Variants in SUMF1 observed in about 807,000 individuals in gnomAD.
The protein encoded by SUMF1 is formylglycine-generating enzyme.
In SUMF1, 48 loss-of-function variants were observed where a neutral mutation model predicts 47.6. That is an observed-to-expected ratio of 1.01 (90% CI 0.80 to 1.28). The LOEUF (loss-of-function observed/expected upper bound fraction) is 1.28, where lower values mean the gene tolerates loss of function less well. SUMF1 is among the 50% of genes most tolerant of loss of function. SUMF1 has a pLI of 0.00. For missense variants in SUMF1, 571 were observed against 485.4 expected (o/e 1.18, Z -1.66); for synonymous variants, 230 against 192.1 (o/e 1.20, Z -1.63).
At chr3:4,059,120 C>T (rs1419211925) in intron 9 of SUMF1, among the ~76,000 whole-genome samples, 1 of 151,904 alleles carries the variant, frequency 6.6e-6, no homozygotes, top group Non-Finnish European at 1.5e-5. Context: ...TTCTAGAATC[C>T]TATAGAAAAA....
intron 8 of SUMF1, among the ~76,000 whole-genome samples, chr3:4,209,402 C>T (rs1695730731): frequency 6.6e-6 from 1 of 152,114 alleles, no homozygotes; most frequent in Admixed American, 6.6e-5. Flanking sequence ...ACCTTAATCA[C>T]TTAAACATCC....
intron 7 of SUMF1, among the ~76,000 whole-genome samples, chr3:4,400,863 G>C (rs186517533): frequency 4.6e-5 from 7 of 151,986 alleles, no homozygotes; most frequent in African/African-American, 1.7e-4. Context: ...TGTGCACAAC[G>C]TGCAGTTTTG....
At chr3:4,325,567 AT>A (rs1698926412) in intron 8 of SUMF1, among the ~76,000 whole-genome samples, 1 of 150,864 alleles carries the variant, frequency 6.6e-6, no homozygotes, top group Non-Finnish European at 1.5e-5. Context: ...GTGTGTGTAT[AT>A]ATATATATAT....
chr3:4,446,621 G>A (rs1702790767), intron 3 of SUMF1, among the ~76,000 whole-genome samples: 1 of 152,154 alleles, frequency 6.6e-6, no homozygotes, highest in Non-Finnish European at 1.5e-5. Context: ...TGCCTCATGG[G>A]GAAAGAACCC....
chr3:4,236,882 G>C (rs1305851013), intron 8 of SUMF1, among the ~76,000 whole-genome samples: 1 of 152,052 alleles, frequency 6.6e-6, no homozygotes, highest in Non-Finnish European at 1.5e-5. Context: ...CAAAAACTCT[G>C]TGTTCCACCT....
At chr3:4,466,043 T>G (rs1488006295) in intron 1 of SUMF1, among the ~76,000 whole-genome samples, 1 of 152,146 alleles carries the variant, frequency 6.6e-6, no homozygotes, top group Non-Finnish European at 1.5e-5. Context: ...TTTAGACCCA[T>G]AAGTTGTTTC....
chr3:4,401,969 T>A (rs17628538), intron 7 of SUMF1, among the ~76,000 whole-genome samples: 4,965 of 152,198 alleles, frequency 0.033, 151 homozygotes, highest in African/African-American at 0.077. Flanking sequence ...CTGGTAAGCT[T>A]AAGGAAATTC....
rs529983454 is a variant in SUMF1, at chr3:4,183,602, C to G, written c.1015-114857G>C. On this transcript the variant is annotated intron_variant and NMD_transcript_variant, in intron 8 of 12. Transcript: ENST00000448413. Reference sequence around the variant, plus strand: ...TAACTAATTACAGAGAAAAGCATTACAGGCTCACTTCTTTGGCAGGATCTA... The same window carrying G: ...TAACTAATTACAGAGAAAAGCATTAGAGGCTCACTTCTTTGGCAGGATCTA... Among the ~76,000 whole-genome samples, 65 of 131,622 alleles carry G rather than the reference C, an allele frequency of 4.9e-4. No individual in the cohort carries two copies. In the South Asian group the frequency reaches 0.016, roughly 32 times the overall value. The allele number at this position is 131,622 out of a possible 152,430, so 86.3% of individuals were successfully genotyped here. A position where few individuals can be genotyped will look rare whatever the true frequency, so the allele number is the denominator to read the frequency against.
chr3:4,418,854 G>C (rs748628815), intron 4 of SUMF1, among the ~76,000 whole-genome samples: 5 of 152,152 alleles, frequency 3.3e-5, no homozygotes, highest in Admixed American at 6.5e-5. Context: ...AAAAAAAACT[G>C]AGAAAAAGGG....
chr3:4,307,664 C>G (rs906991849), intron 8 of SUMF1, among the ~76,000 whole-genome samples: 2 of 152,136 alleles, frequency 1.3e-5, no homozygotes, highest in African/African-American at 4.8e-5. Context: ...GCATTTATTC[C>G]TAGCTCTTGC....
At chr3:4,092,103 A>C (rs1692801782) in intron 8 of SUMF1, among the ~76,000 whole-genome samples, 1 of 152,040 alleles carries the variant, frequency 6.6e-6, no homozygotes, top group Admixed American at 6.5e-5. Context: ...GTATAGGCCA[A>C]CTATCAACAA....
At chr3:4,310,211 C>T (rs1280743219) in intron 8 of SUMF1, among the ~76,000 whole-genome samples, 5 of 152,100 alleles carry the variant, frequency 3.3e-5, no homozygotes, top group South Asian at 2.1e-4. Flanking sequence ...AGTTTAACCG[C>T]GTGGCATGTA....
At chr3:4,371,581 C>T (rs1315884654) in intron 8 of SUMF1, among the ~76,000 whole-genome samples, 2 of 152,212 alleles carry the variant, frequency 1.3e-5, no homozygotes, top group African/African-American at 2.4e-5. Flanking sequence ...ACTAGACCAA[C>T]TCCTTTTGCT....
At chr3:4,265,621 G>A (rs954040930) in intron 8 of SUMF1, among the ~76,000 whole-genome samples, 6 of 152,098 alleles carry the variant, frequency 3.9e-5, no homozygotes, top group African/African-American at 1.4e-4. Context: ...TGTAGATTCT[G>A]GATATTAGCC....
intron 1 of SUMF1, among the ~76,000 whole-genome samples, chr3:4,458,993 G>A (rs1049682598): frequency 9.9e-5 from 15 of 152,132 alleles, no homozygotes; most frequent in African/African-American, 3.6e-4. Flanking sequence ...ATCTAAAAAA[G>A]TTGAACTAAT....
At chr3:4,193,673 C>T (rs1337650005) in intron 8 of SUMF1, among the ~76,000 whole-genome samples, 2 of 151,872 alleles carry the variant, frequency 1.3e-5, no homozygotes, top group African/African-American at 4.8e-5. Flanking sequence ...CTATTCATAC[C>T]CTGAGAATAA....
At chr3:4,228,576 C>A (rs1014105134) in intron 8 of SUMF1, among the ~76,000 whole-genome samples, 3 of 152,064 alleles carry the variant, frequency 2.0e-5, no homozygotes, top group African/African-American at 7.2e-5. Context: ...TCACTGCTTC[C>A]CTAGGTCTGA....
At chr3:4,399,219 C>G (rs1410975518) in intron 7 of SUMF1, among the ~76,000 whole-genome samples, 1 of 152,048 alleles carries the variant, frequency 6.6e-6, no homozygotes, top group Non-Finnish European at 1.5e-5. Context: ...TTTGTTCACC[C>G]CAGAAGCACA....
At chr3:4,068,380 T>C (rs1174187322) in intron 9 of SUMF1, among the ~76,000 whole-genome samples, 1 of 152,154 alleles carries the variant, frequency 6.6e-6, no homozygotes, top group Admixed American at 6.5e-5. Context: ...GTTTCAAAAA[T>C]TTACATTTTA....
Sources: gnomAD v4.1 joint callset for allele counts (sites outside exome capture counted in the v4.1 genomes callset) on GRCh38, gnomAD v4.1.1 for gene constraint, MANE v1.5 for transcripts, NCBI Gene and HGNC (gene_info 2026-07-23, HGNC 2026-07-21) for gene names.